The following DPP6 variants were observed in gnomAD, a reference collection of about 807,000 sequenced individuals.
The protein encoded by DPP6 is A-type potassium channel modulatory protein DPP6.
DPP6 carries 69 observed loss-of-function variants against 122.6 expected under a neutral mutation model. The ratio of observed to expected loss-of-function variants is 0.56; its 90% confidence interval spans 0.46 to 0.69. DPP6 has a LOEUF of 0.69. Ranked by LOEUF, DPP6 falls within the 30% of genes least tolerant of loss-of-function variation. DPP6 has a pLI of 0.00. For synonymous variants in DPP6, 418 were observed against 433.1 expected (o/e 0.97, Z 0.43); for missense variants, 928 against 1,116.9 (o/e 0.83, Z 2.41).
At chr7:154,640,805 A>G (rs1359834448) in intron 6 of DPP6, among the ~76,000 whole-genome samples, 1 of 152,232 alleles carries the variant, frequency 6.6e-6, no homozygotes, top group African/African-American at 2.4e-5. Flanking sequence ...TACATTATTC[A>G]TGTAGAAGAA....
Position 154,052,811 on chromosome 7 carries a change from G to T in DPP6, c.-10G>T. 4 of 1,517,180 alleles carry T rather than the reference G, an allele frequency of 2.6e-6. No homozygotes were observed. The highest frequency in any genetic ancestry group is 2.7e-6 in the Non-Finnish European group (3 of 1,130,798). 94.0% of individuals were successfully genotyped at this position (1,517,180 alleles called of 1,614,324 possible). A position where few individuals can be genotyped will look rare whatever the true frequency, so the allele number is the denominator to read the frequency against. The stretch of plus-strand genomic sequence containing the variant: ...AGCCCCAAAGACAGCCAGCAGGAGC[G>T]CGGTGCCCGATGGCTTCGCTGTACC... On this transcript the variant is annotated 5_prime_UTR_variant, in exon 1 of 26. Coordinates refer to ENST00000377770, the MANE Select transcript of DPP6 (RefSeq NM_130797.4). The surrounding 1 kb of genome is among the most constrained non-coding windows in gnomAD (Gnocchi z 4.8).
At chr7:154,155,905 G>A (rs1264755670) in intron 1 of DPP6, among the ~76,000 whole-genome samples, 1 of 152,182 alleles carries the variant, frequency 6.6e-6, no homozygotes, top group Non-Finnish European at 1.5e-5. Context: ...TGTTTATTGT[G>A]TACTCCCAAT....
intron 2 of DPP6, 51 bp downstream of exon 2, chr7:154,446,379 T>C: frequency 1.4e-6 from 2 of 1,437,050 alleles, no homozygotes; most frequent in Non-Finnish European, 1.9e-6. Context: ...AGAAAGAGCA[T>C]AATTTTACCT....
intron 17 of DPP6, among the ~76,000 whole-genome samples, chr7:154,855,956 G>A (rs1334102280): frequency 1.3e-5 from 2 of 152,090 alleles, no homozygotes; most frequent in Non-Finnish European, 2.9e-5. Context: ...ATTAGATAAG[G>A]TGTCCAATGG....
intron 1 of DPP6, among the ~76,000 whole-genome samples, chr7:153,923,814 G>A (rs910785099): frequency 1.3e-5 from 2 of 149,458 alleles, no homozygotes; most frequent in Non-Finnish European, 3.0e-5. Context: ...GGGAGGATCT[G>A]AAGGAGTCAC....
At chr7:154,748,894 T>C (rs1014548733) in intron 8 of DPP6, among the ~76,000 whole-genome samples, 1 of 152,214 alleles carries the variant, frequency 6.6e-6, no homozygotes, top group African/African-American at 2.4e-5. Flanking sequence ...ATTTGGGTAT[T>C]TCCAGGTGGC....
intron 16 of DPP6, among the ~76,000 whole-genome samples, chr7:154,822,211 G>A (rs1252959654): frequency 6.6e-6 from 1 of 152,196 alleles, no homozygotes; most frequent in African/African-American, 2.4e-5. Flanking sequence ...ATAGTAGACT[G>A]TCTTCATCCA....
chr7:154,348,928 C>T (rs796207027), intron 1 of DPP6, among the ~76,000 whole-genome samples: 7 of 152,288 alleles, frequency 4.6e-5, no homozygotes, highest in African/African-American at 1.7e-4. Flanking sequence ...AGTAAAGGGA[C>T]TATGACAAGG....
chr7:154,340,360 C>A (rs1158556567), intron 1 of DPP6, among the ~76,000 whole-genome samples: 1 of 152,204 alleles, frequency 6.6e-6, no homozygotes, highest in Non-Finnish European at 1.5e-5. Context: ...CCAAACACTT[C>A]CCAGTCAGCT....
the DPP6 span, among the ~76,000 whole-genome samples, chr7:153,761,323 A>C: frequency 6.6e-6 from 1 of 152,232 alleles, no homozygotes; most frequent in Non-Finnish European, 1.5e-5. Context: ...ATGGGCCTAA[A>C]ATGTATGAGA....
chr7:154,202,447 G>A (rs558682804), intron 1 of DPP6, among the ~76,000 whole-genome samples: 7 of 152,204 alleles, frequency 4.6e-5, no homozygotes, highest in Non-Finnish European at 1.0e-4. Context: ...TTTCATTTTG[G>A]TTAGTAATAA....
At chr7:154,208,373 T>C (rs1799564663) in intron 1 of DPP6, among the ~76,000 whole-genome samples, 1 of 152,196 alleles carries the variant, frequency 6.6e-6, no homozygotes, top group Admixed American at 6.5e-5. Context: ...TTACACCACA[T>C]ACATTTCCAC....
chr7:154,225,737 A>G (rs1391293128), intron 1 of DPP6, among the ~76,000 whole-genome samples: 2 of 152,144 alleles, frequency 1.3e-5, no homozygotes, highest in Non-Finnish European at 2.9e-5. Flanking sequence ...AGAGACATTT[A>G]CTAACTTTTC....
chr7:154,421,623 C>T (rs2151228866), intron 1 of DPP6, among the ~76,000 whole-genome samples: 1 of 149,736 alleles, frequency 6.7e-6, no homozygotes, highest in Non-Finnish European at 1.5e-5. Context: ...TGCGCCTGGC[C>T]TTTGAGTGTC....
intron 10 of DPP6, among the ~76,000 whole-genome samples, chr7:154,773,719 G>A (rs1369118744): frequency 1.3e-5 from 2 of 152,166 alleles, no homozygotes; most frequent in African/African-American, 2.4e-5. Context: ...CTGAGGCTCA[G>A]CAAAGACCCA....
intron 1 of DPP6, among the ~76,000 whole-genome samples, chr7:154,217,972 A>G (rs1304841073): frequency 1.3e-5 from 2 of 152,090 alleles, no homozygotes; most frequent in Admixed American, 6.5e-5. Flanking sequence ...TCCTCCCTCT[A>G]CTGTGGTTTC....
At chr7:154,864,679 G>A (rs1159120445) in intron 17 of DPP6, among the ~76,000 whole-genome samples, 4 of 152,248 alleles carry the variant, frequency 2.6e-5, no homozygotes, top group Non-Finnish European at 5.9e-5. Flanking sequence ...AAAACCAGTT[G>A]TGTGGGCAAT....
At chr7:154,616,667 G>A (rs1834280333) in intron 5 of DPP6, among the ~76,000 whole-genome samples, 1 of 152,138 alleles carries the variant, frequency 6.6e-6, no homozygotes, top group South Asian at 2.1e-4. Context: ...CTTTCATCTG[G>A]ACCTAGGTTC....
At chr7:154,781,200 G>A (rs775657400) in intron 10 of DPP6, among the ~76,000 whole-genome samples, 1 of 152,124 alleles carries the variant, frequency 6.6e-6, no homozygotes, top group Non-Finnish European at 1.5e-5. Context: ...ATGGATGGAT[G>A]GACAGACTGA....
Sources: allele counts gnomAD v4.1 joint callset (sites outside exome capture counted in the v4.1 genomes callset), GRCh38; gene constraint gnomAD v4.1.1; non-coding constraint Gnocchi (gnomAD v3.1); transcripts MANE v1.5; gene names NCBI Gene and HGNC (gene_info 2026-07-23, HGNC 2026-07-21).